The following LRRC9 variants were observed in gnomAD, a reference collection of about 807,000 sequenced individuals.
The protein encoded by LRRC9 is leucine rich repeat containing 9.
Under a neutral mutation model 63.2 loss-of-function variants are expected in LRRC9, and 122 were observed. That is an observed-to-expected ratio of 1.93 (90% confidence interval 1.67 to 2.24). LRRC9 has a LOEUF of 2.24. Ranked by LOEUF, LRRC9 falls within the 30% of genes most tolerant of loss-of-function variation. The probability of loss-of-function intolerance (pLI) is 0.00; values close to 1 mark genes in which losing one functional copy is unlikely to be tolerated. For missense variants in LRRC9, 1,071 were observed against 627.7 expected (o/e 1.71, Z -7.55); for synonymous variants, 366 against 213.1 (o/e 1.72, Z -6.25).
chr14:59,985,276 T>C lies in LRRC9; in HGVS notation c.2211+52T>C, dbSNP rs1887340963. ...AAAGTGAAACTCATAGAAGCAGAAG[T>C]AGAATGGTGGTTATCAGGGCCTAAG... is the stretch of plus-strand genomic sequence containing the variant. On this transcript the variant is annotated intron_variant, in intron 17 of 31. Coordinates refer to ENST00000445360, the Ensembl canonical transcript of LRRC9. 1.0e-5 allele frequency: 6 copies of C among 572,336 alleles called. No homozygotes were observed. In the South Asian group the frequency reaches 1.4e-4, roughly 13 times the overall value. The allele number at this position is 572,336 out of a possible 1,614,324, so 35.5% of individuals were successfully genotyped here. A position where few individuals can be genotyped will look rare whatever the true frequency, so the allele number is the denominator to read the frequency against.
chr14:59,989,859 A>T (rs1227646743), intron 17 of LRRC9, among the ~76,000 whole-genome samples: 1 of 151,936 alleles, frequency 6.6e-6, no homozygotes, highest in African/African-American at 2.4e-5. Flanking sequence ...GTACTGTTTA[A>T]AATTTGTAAT....
intron 23 of LRRC9, 40 bp downstream of exon 23, chr14:60,008,254 C>A: frequency 1.5e-6 from 1 of 669,618 alleles, no homozygotes; most frequent in Non-Finnish European, 2.7e-6. Flanking sequence ...GTCTAAGCTG[C>A]ATAGTCACAT....
intron 23 of LRRC9, among the ~76,000 whole-genome samples, chr14:60,013,928 CT>C (rs1890467680): frequency 1.3e-5 from 2 of 152,178 alleles, no homozygotes; most frequent in African/African-American, 4.8e-5. Flanking sequence ...CCTGTTAGGG[CT>C]TATGTCTGCC....
chr14:60,066,729 G>A (rs1894890203), downstream of LRRC9, among the ~76,000 whole-genome samples: 1 of 152,110 alleles, frequency 6.6e-6, no homozygotes, highest in South Asian at 2.1e-4. Flanking sequence ...TATTATTTCT[G>A]CAAGTTTTTA....
At chr14:59,996,936 T>C (rs1034326244) in intron 17 of LRRC9, among the ~76,000 whole-genome samples, 1 of 152,142 alleles carries the variant, frequency 6.6e-6, no homozygotes, top group African/African-American at 2.4e-5. Context: ...AAAATGTTTT[T>C]AAAAATTATG....
At chr14:59,993,356 CAT>C (rs776293253) in intron 17 of LRRC9, among the ~76,000 whole-genome samples, 2 of 152,194 alleles carry the variant, frequency 1.3e-5, no homozygotes, top group Non-Finnish European at 2.9e-5. Flanking sequence ...ACTGCAAAAA[CAT>C]AACAAAATTG....
At chr14:60,021,587 G>C (rs1891119506) in intron 26 of LRRC9, among the ~76,000 whole-genome samples, 1 of 151,704 alleles carries the variant, frequency 6.6e-6, no homozygotes, top group African/African-American at 2.4e-5. Flanking sequence ...ATGTTCTCTT[G>C]TTTTCTTTAA....
intron 26 of LRRC9, 147 bp from the exon 27 acceptor site, chr14:60,022,585 AAC>A (rs748864793): frequency 2.2e-5 from 8 of 368,438 alleles, no homozygotes; most frequent in Non-Finnish European, 3.8e-5. Flanking sequence ...ATAAAATATA[AAC>A]AGACTGTATT....
intron 16 of LRRC9, among the ~76,000 whole-genome samples, chr14:59,984,748 T>C (rs1227795866): frequency 6.6e-6 from 1 of 152,164 alleles, no homozygotes; most frequent in Non-Finnish European, 1.5e-5. Flanking sequence ...CTTTAGGGTC[T>C]CCATTGTTCA....
At position 60,002,047 on chromosome 14, in the gene LRRC9, C is replaced by G. The variant is rs768381354; in HGVS notation, c.2611C>G (p.Gln871Glu). 338 of 702,348 alleles carry G rather than the reference C, an allele frequency of 4.8e-4. 1 individual carries two copies. The highest frequency in any genetic ancestry group is 5.7e-4 in the Non-Finnish European group (220 of 384,574). The allele number at this position is 702,348 out of a possible 1,614,324, so 43.5% of individuals were successfully genotyped here. A position where few individuals can be genotyped will look rare whatever the true frequency, so the allele number is the denominator to read the frequency against. Residue 871 changes from glutamine to glutamate, a missense_variant, in exon 20 of 32, where the codon CAG becomes GAG. Transcript: ENST00000445360. ...ATGGCCTTCTGCCAAAATTCTGACG[C>G]AGGTTTCAAAGTTAGGACCTCATTT... is the stretch of plus-strand genomic sequence containing the variant.
At chr14:59,968,671 A>G (rs1439394556) in intron 12 of LRRC9, among the ~76,000 whole-genome samples, 2 of 152,206 alleles carry the variant, frequency 1.3e-5, no homozygotes, top group African/African-American at 2.4e-5. Flanking sequence ...TTTACAAGGC[A>G]GAGTGAATTG....
At chr14:59,967,017 G>GGACA in intron 11 of LRRC9, 79 bp from the exon 12 acceptor site, 1 of 546,258 alleles carries the variant, frequency 1.8e-6, no homozygotes, top group South Asian at 2.7e-5. Context: ...ATCCCTGGCA[G>GGACA]GACATATGGT....
rs767762065 is a variant in LRRC9 at position 59,931,702 on chromosome 14, GA to G, written c.472+22del. 3.0e-6 allele frequency: 2 copies of G among 672,290 alleles called. No homozygotes were observed. The highest frequency in any genetic ancestry group is 3.3e-5 in the South Asian group (2 of 61,056). The allele number at this position is 672,290 out of a possible 1,614,324, so 41.6% of individuals were successfully genotyped here. ...GCATTGGTATGTACTATTTCATTTGGAATCTGAGATAATGCTATAATCATTT... is the reference window on the plus strand; with the variant it reads ...GCATTGGTATGTACTATTTCATTTGGATCTGAGATAATGCTATAATCATTT... On this transcript the variant is annotated intron_variant, in intron 5 of 31. Coordinates refer to ENST00000445360, the Ensembl canonical transcript of LRRC9.
intron 29 of LRRC9, among the ~76,000 whole-genome samples, chr14:60,043,754 TC>T (rs1893159356): frequency 7.1e-6 from 1 of 141,260 alleles, no homozygotes; most frequent in Non-Finnish European, 1.5e-5. Flanking sequence ...AGTTTTCTTT[TC>T]CTTTTTTTTT....
At chr14:59,941,203 A>G (rs1487753861) in intron 7 of LRRC9, among the ~76,000 whole-genome samples, 1 of 152,024 alleles carries the variant, frequency 6.6e-6, no homozygotes, top group Non-Finnish European at 1.5e-5. Context: ...AATAAATTAG[A>G]AAAAGTTGAA....
chr14:59,957,699 G>A (rs1883913401), intron 8 of LRRC9, among the ~76,000 whole-genome samples: 1 of 152,120 alleles, frequency 6.6e-6, no homozygotes, highest in African/African-American at 2.4e-5. Flanking sequence ...TCATTTGGAG[G>A]AGAAGAGGCA....
Position 59,927,782 on chromosome 14 carries a change from T to C in LRRC9, c.-33-129T>C, listed in dbSNP as rs1889330816. The C allele has an allele frequency of 2.4e-6, 1 of 412,548 alleles. No homozygotes were observed. The highest frequency in any genetic ancestry group is 2.1e-5 in the African/African-American group (1 of 48,354). 25.6% of individuals were successfully genotyped at this position (412,548 alleles called of 1,614,324 possible). On this transcript the variant is annotated intron_variant, in intron 1 of 31. Transcript: ENST00000445360. The surrounding 1 kb of genome is among the most constrained non-coding windows in gnomAD (Gnocchi z 4.4). The stretch of plus-strand genomic sequence containing the variant: ...ACTCCCTCAGAGTTTATACAGATAC[T>C]TGGTAATATACTATGTGAAGATTTC...
At chr14:59,959,907 G>A (rs1264663673) in exon 9 of LRRC9, 1 of 701,008 alleles carries the variant, frequency 1.4e-6, no homozygotes. Flanking sequence ...CTGAAACACT[G>A]AAGAGTTGTG....
intron 17 of LRRC9, among the ~76,000 whole-genome samples, chr14:59,985,936 AT>A (rs1180971418): frequency 1.3e-5 from 2 of 151,876 alleles, no homozygotes; most frequent in Non-Finnish European, 2.9e-5. Context: ...TGTAATTTCC[AT>A]TTTTTTCTAC....
Sources: gnomAD v4.1 joint callset for allele counts (sites outside exome capture counted in the v4.1 genomes callset) on GRCh38, gnomAD v4.1.1 for gene constraint, Gnocchi (gnomAD v3.1) non-coding constraint, MANE v1.5 for transcripts, NCBI Gene and HGNC (gene_info 2026-07-23, HGNC 2026-07-21) for gene names.